Variants in PRR33 observed in about 807,000 individuals in gnomAD.
PRR33 encodes proline rich 33, also known as proline-rich protein 33.
PRR33 carries 1 observed loss-of-function variant against 0.5 expected under a neutral mutation model. The ratio of observed to expected loss-of-function variants is 2.18; its 90% CI spans 0.77 to 10.34. The LOEUF (loss-of-function observed/expected upper bound fraction) is 10.34. Ranked by LOEUF, PRR33 falls within the 30% of genes most tolerant of loss-of-function variation. The pLI is 0.13. For missense variants in PRR33, 552 were observed against 251.8 expected (o/e 2.19, Z -8.07); for synonymous variants, 226 against 110.0 (o/e 2.06, Z -6.60).
upstream of PRR33, among the ~76,000 whole-genome samples, chr11:1,894,842 C>T (rs1849105860): frequency 6.6e-6 from 1 of 152,178 alleles, no homozygotes. Context: ...AGAAATAAAA[C>T]GACTAGATGC....
chr11:1,912,210 C>G, the PRR33 span, among the ~76,000 whole-genome samples: 1 of 151,804 alleles, frequency 6.6e-6, no homozygotes, highest in East Asian at 1.9e-4. Context: ...TAATAAAGGA[C>G]CCCCTTGGTC....
At chr11:1,894,169 A>ATG (rs150878590), upstream of PRR33, among the ~76,000 whole-genome samples, 128 of 60,230 alleles carry the variant, frequency 2.1e-3, no homozygotes, top group Middle Eastern at 0.056. Flanking sequence ...CCAGGCTGGA[A>ATG]TGTGTGTGTG....
chr11:1,901,380 C>T, the PRR33 span, among the ~76,000 whole-genome samples: 1 of 151,112 alleles, frequency 6.6e-6, no homozygotes, highest in Non-Finnish European at 1.5e-5. Context: ...GTCAAAGAGA[C>T]AATGCAAAGG....
chr11:1,907,717 A>T, the PRR33 span: 1 of 151,854 alleles, frequency 6.6e-6, no homozygotes, highest in Non-Finnish European at 1.5e-5. Flanking sequence ...CCCGGCCTCT[A>T]GCTTTATTTT....
the PRR33 span, among the ~76,000 whole-genome samples, chr11:1,910,470 G>A: frequency 2.0e-5 from 3 of 152,146 alleles, no homozygotes; most frequent in Non-Finnish European, 4.4e-5. Context: ...GGCTGGTCTC[G>A]AACTCCTGAC....
chr11:1,914,582 C>G, the PRR33 span, among the ~76,000 whole-genome samples: 7 of 130,178 alleles, frequency 5.4e-5, no homozygotes, highest in East Asian at 4.9e-4. Context: ...GGATGTTGCT[C>G]TGTGTGTGTG....
the PRR33 span, among the ~76,000 whole-genome samples, chr11:1,913,251 C>T: frequency 3.9e-5 from 6 of 151,956 alleles, no homozygotes; most frequent in East Asian, 3.9e-4. Flanking sequence ...CTCAGCTTCC[C>T]GAGTAGCTGG....
At chr11:1,907,280 A>G in the PRR33 span, among the ~76,000 whole-genome samples, 1 of 152,212 alleles carries the variant, frequency 6.6e-6, no homozygotes, top group Non-Finnish European at 1.5e-5. Flanking sequence ...GTTTGGATAG[A>G]CAGAAACTTG....
At chr11:1,911,170 C>T in the PRR33 span, among the ~76,000 whole-genome samples, 1 of 152,146 alleles carries the variant, frequency 6.6e-6, no homozygotes, top group Non-Finnish European at 1.5e-5. Context: ...ACTAGCCGGG[C>T]GCAGTGGCTC....
chr11:1,901,184 T>C, the PRR33 span, among the ~76,000 whole-genome samples: 1 of 152,074 alleles, frequency 6.6e-6, no homozygotes, highest in Non-Finnish European at 1.5e-5. Flanking sequence ...TTGTGGCAGA[T>C]GCCTGTAATC....
the PRR33 span, among the ~76,000 whole-genome samples, chr11:1,903,716 C>T: frequency 6.6e-6 from 1 of 152,148 alleles, no homozygotes; most frequent in East Asian, 1.9e-4. Context: ...CTCGGTTTTT[C>T]AGAGATGAAG....
At position 1,889,315 on chromosome 11, in the gene PRR33, C is replaced by G. The variant is rs1589835091; in HGVS notation, c.1270G>C (p.Glu424Gln). The G allele has an allele frequency of 4.2e-6, 3 of 707,670 alleles. No homozygotes were observed. In the East Asian group the frequency reaches 8.1e-5, roughly 19 times the overall value. The allele number at this position is 707,670 out of a possible 1,614,324, so 43.8% of individuals were successfully genotyped here. A position where few individuals can be genotyped will look rare whatever the true frequency, so the allele number is the denominator to read the frequency against. Residue 424 changes from glutamate to glutamine, a missense_variant, in exon 1 of 1, where the codon GAG becomes CAG. Glu to Gln is a conservative substitution (Grantham distance 29). Coordinates refer to ENST00000640310, the Ensembl canonical transcript of PRR33. ...CGGGTGAGGCTGGCTGGGGTGTGCT[C>G]CCCACCGCTGGGCCCTGCCAGGCGC...
chr11:1,914,736 T>G, the PRR33 span, among the ~76,000 whole-genome samples: 24 of 146,090 alleles, frequency 1.6e-4, no homozygotes, highest in African/African-American at 5.6e-4. Flanking sequence ...GTGTGTGTGT[T>G]GTGGGGTCAC....
chr11:1,913,235 T>C, the PRR33 span, among the ~76,000 whole-genome samples: 1 of 152,030 alleles, frequency 6.6e-6, no homozygotes, highest in Admixed American at 6.6e-5. Context: ...CGCGCCATTC[T>C]CCTGCCTCAG....
chr11:1,891,403 G>A (rs1297100417), exon 1 of PRR33: 2 of 152,344 alleles, frequency 1.3e-5, no homozygotes, highest in Non-Finnish European at 2.9e-5. Flanking sequence ...GAGGGGTGGG[G>A]GCGGAAGGAG....
exon 1 of PRR33, chr11:1,890,149 A>G (rs1331616297): frequency 2.8e-6 from 2 of 717,072 alleles, no homozygotes; most frequent in Non-Finnish European, 5.2e-6. Context: ...ATGGCCCTGA[A>G]TTGAGCAGCT....
chr11:1,899,013 T>A, the PRR33 span, among the ~76,000 whole-genome samples: 1 of 151,986 alleles, frequency 6.6e-6, no homozygotes, highest in Non-Finnish European at 1.5e-5. Flanking sequence ...CTAATTTTTT[T>A]TTTCACCTAC....
the PRR33 span, among the ~76,000 whole-genome samples, chr11:1,910,442 G>T: frequency 6.6e-6 from 1 of 152,174 alleles, no homozygotes; most frequent in Non-Finnish European, 1.5e-5. Flanking sequence ...TAGAGACAGG[G>T]TTTCACCATG....
chr11:1,893,778 CAGGTGGATGGATGGAT>C (rs561125365), upstream of PRR33, among the ~76,000 whole-genome samples: 323 of 132,496 alleles, frequency 2.4e-3, 3 homozygotes, highest in Middle Eastern at 0.02. Flanking sequence ...AGTGGATGGA[CAGGTGGATGGATGGAT>C]AGGTGGATGG....
Sources: gnomAD v4.1 joint callset for allele counts (sites outside exome capture counted in the v4.1 genomes callset) on GRCh38, gnomAD v4.1.1 for gene constraint, MANE v1.5 for transcripts, NCBI Gene and HGNC (gene_info 2026-07-23, HGNC 2026-07-21) for gene names.